The following DLG2 variants were observed in gnomAD, a reference collection of about 807,000 sequenced individuals.
DLG2 encodes discs large MAGUK scaffold protein 2, also known as disks large homolog 2.
A neutral mutation model predicts 132.5 loss-of-function variants in DLG2; 45 were observed. That is an observed-to-expected ratio of 0.34 (90% confidence interval 0.27 to 0.44). DLG2 has a LOEUF of 0.44. DLG2 is among the 20% of genes least tolerant of loss of function. The pLI is 1.00. For synonymous variants in DLG2, 424 were observed against 419.6 expected (o/e 1.01, Z -0.13); for missense variants, 1,045 against 1,196.9 (o/e 0.87, Z 1.87).
chr11:84,677,723 A>AAAT (rs137898526), intron 6 of DLG2, among the ~76,000 whole-genome samples: 2 of 152,036 alleles, frequency 1.3e-5, no homozygotes, highest in African/African-American at 2.4e-5. Context: ...GCAAAAAAAG[A>AAAT]AATAATAATA....
At chr11:85,408,629 G>A (rs956903836) in intron 3 of DLG2, among the ~76,000 whole-genome samples, 3 of 145,460 alleles carry the variant, frequency 2.1e-5, no homozygotes, top group Non-Finnish European at 4.5e-5. Context: ...TCCCACCTAT[G>A]AGTGAGAACA....
At chr11:84,254,038 G>T (rs2097427119) in intron 7 of DLG2, among the ~76,000 whole-genome samples, 2 of 152,176 alleles carry the variant, frequency 1.3e-5, no homozygotes, top group Non-Finnish European at 2.9e-5. Context: ...TTTTAAAAAG[G>T]TTTTTAGTTT....
At chr11:84,950,282 T>C (rs1399947893) in intron 6 of DLG2, among the ~76,000 whole-genome samples, 1 of 152,130 alleles carries the variant, frequency 6.6e-6, no homozygotes, top group Non-Finnish European at 1.5e-5. Flanking sequence ...TATGAGAAGA[T>C]TAATAAAAAA....
At chr11:83,651,487 A>G (rs1267467582) in intron 18 of DLG2, 1 of 165,434 alleles carries the variant, frequency 6.0e-6, no homozygotes, top group Admixed American at 6.0e-5. Flanking sequence ...AGTTTGCAAC[A>G]AACTTATTCC....
rs146003184 is a variant in DLG2 at position 84,330,611 on chromosome 11, T to C, written c.520-79320A>G. Among the ~76,000 whole-genome samples the C allele has an allele frequency of 2.5e-3, 387 of 152,308 alleles. 2 individuals carry two copies. Among genetic ancestry groups the C allele is most frequent in the Admixed American group, 0.023 (349 of 15,300 alleles). The stretch of plus-strand genomic sequence containing the variant: ...TAAGACTTTGGTTTTTTGAAAATAC[T>C]GTTATAGCCTTCATTTCTCTACATC... On this transcript the variant is annotated intron_variant, in intron 7 of 27. Transcript: ENST00000376104.
chr11:84,206,246 T>G (rs2096663736), intron 8 of DLG2, among the ~76,000 whole-genome samples: 1 of 152,112 alleles, frequency 6.6e-6, no homozygotes, highest in Non-Finnish European at 1.5e-5. Flanking sequence ...AAACATTGAA[T>G]GTGAAGTTTA....
intron 7 of DLG2, among the ~76,000 whole-genome samples, chr11:84,331,967 G>A (rs2098461835): frequency 2.0e-5 from 3 of 152,226 alleles, no homozygotes; most frequent in Admixed American, 6.5e-5. Context: ...TTCACCTGGT[G>A]CAAATTTATT....
intron 4 of DLG2, among the ~76,000 whole-genome samples, chr11:85,197,428 G>A (rs754569490): frequency 1.1e-4 from 17 of 152,062 alleles, no homozygotes; most frequent in Admixed American, 3.9e-4. Context: ...CTTGACCATG[G>A]GCTTCTAGAC....
chr11:84,212,982 G>T (rs1462333088), intron 8 of DLG2, among the ~76,000 whole-genome samples: 3 of 152,192 alleles, frequency 2.0e-5, no homozygotes, highest in Admixed American at 6.5e-5. Flanking sequence ...ATGAGACGGG[G>T]TAGGTAGATA....
chr11:85,211,610 A>G (rs2082261158), intron 4 of DLG2, among the ~76,000 whole-genome samples: 1 of 152,134 alleles, frequency 6.6e-6, no homozygotes, highest in South Asian at 2.1e-4. Flanking sequence ...AAAAAAGGTA[A>G]ATAAGTTTGT....
chr11:85,302,658 A>C (rs1002376792), intron 3 of DLG2, among the ~76,000 whole-genome samples: 14 of 152,080 alleles, frequency 9.2e-5, no homozygotes, highest in African/African-American at 3.4e-4. Context: ...AAAAAAAAAA[A>C]AAAAAAACAG....
intron 6 of DLG2, among the ~76,000 whole-genome samples, chr11:84,763,930 C>G (rs1456341333): frequency 6.6e-6 from 1 of 151,990 alleles, no homozygotes; most frequent in Non-Finnish European, 1.5e-5. Context: ...TCAGCAAAAG[C>G]CAGGGGAGAT....
At chr11:83,929,379 A>G (rs536480726) in intron 15 of DLG2, among the ~76,000 whole-genome samples, 4 of 152,310 alleles carry the variant, frequency 2.6e-5, no homozygotes, top group African/African-American at 7.2e-5. Context: ...TCTGTGTAGG[A>G]ACATTACAAT....
chr11:84,965,340 C>G (rs946310417), intron 6 of DLG2, among the ~76,000 whole-genome samples: 1 of 151,952 alleles, frequency 6.6e-6, no homozygotes, highest in African/African-American at 2.4e-5. Context: ...CAAATGTTCT[C>G]TTTAGATTGC....
At chr11:84,128,531 G>T (rs1419099662) in intron 9 of DLG2, among the ~76,000 whole-genome samples, 1 of 152,038 alleles carries the variant, frequency 6.6e-6, no homozygotes, top group Admixed American at 6.6e-5. Context: ...CTTCCTTCTA[G>T]AAATGTGAAT....
intron 11 of DLG2, among the ~76,000 whole-genome samples, chr11:83,996,310 A>C (rs1234472834): frequency 1.3e-5 from 2 of 152,178 alleles, no homozygotes; most frequent in Non-Finnish European, 2.9e-5. Context: ...TATGTCCAAA[A>C]GAAAGGTAAT....
In DLG2 at chr11:84,775,478, T is replaced by C. The variant is rs116227788; in HGVS notation, c.358-240747A>G. ...TACCAAAAAGACACATGTGTGTTCA[T>C]TGCAGCACTATTCACAATAGCAAAA... On this transcript the variant is annotated intron_variant, in intron 6 of 27. Coordinates refer to ENST00000376104, the MANE Select transcript of DLG2 (RefSeq NM_001142699.3). Among the ~76,000 whole-genome samples, 1,114 of 152,252 alleles carry C rather than the reference T, an allele frequency of 7.3e-3. 16 individuals carry two copies. The highest frequency in any genetic ancestry group is 0.024 in the African/African-American group (1,016 of 41,536).
intron 19 of DLG2, among the ~76,000 whole-genome samples, chr11:83,595,332 A>G (rs1471965815): frequency 1.3e-5 from 2 of 152,214 alleles, no homozygotes; most frequent in East Asian, 3.8e-4. Flanking sequence ...CTGTGTAAGG[A>G]CTATTATCAT....
At chr11:85,539,448 T>C (rs1483665075) in intron 3 of DLG2, among the ~76,000 whole-genome samples, 1 of 152,182 alleles carries the variant, frequency 6.6e-6, no homozygotes, top group Non-Finnish European at 1.5e-5. Flanking sequence ...TGAGGAAATA[T>C]TTCCTCCCCT....
Sources: gnomAD v4.1 joint callset for allele counts (sites outside exome capture counted in the v4.1 genomes callset) on GRCh38, gnomAD v4.1.1 for gene constraint, MANE v1.5 for transcripts, NCBI Gene and HGNC (gene_info 2026-07-23, HGNC 2026-07-21) for gene names.